Variants in ALDH2 observed in about 807,000 individuals in gnomAD.
ALDH2 encodes aldehyde dehydrogenase 2 family member, also known as aldehyde dehydrogenase, mitochondrial.
ALDH2 carries 44 observed loss-of-function variants against 59.6 expected under a neutral mutation model. That is an observed-to-expected ratio of 0.74 (90% confidence interval 0.58 to 0.95). The LOEUF (loss-of-function observed/expected upper bound fraction) is 0.95, where lower values mean the gene tolerates loss of function less well. Among genes scored for constraint, ALDH2 ranks in the 40% least tolerant of loss-of-function variants. The pLI is 0.00. For synonymous variants in ALDH2, 291 were observed against 284.0 expected, an observed-to-expected ratio of 1.02 and a Z score of -0.25; for missense variants, 570 against 696.3, an observed-to-expected ratio of 0.82 and a Z score of 2.04.
rs187839566 is a variant in ALDH2 at position 111,805,947 on chromosome 12, C to T, written c.1521+1974C>T. 1.4e-3 allele frequency among the ~76,000 whole-genome samples: 204 copies of T among 149,202 alleles called. 1 individual carries two copies. The highest frequency in any genetic ancestry group is 4.7e-3 in the African/African-American group (189 of 40,358). On this transcript the variant is annotated intron_variant, in intron 12 of 12. Transcript: ENST00000261733. ...CTGAGGCAGGAGAATTGCTTGAACC[C>T]GGGAGGTGGAGGTTGCAGTGAGCCA...
chr12:111,768,803 A>G (rs1799778073), intron 1 of ALDH2, among the ~76,000 whole-genome samples: 1 of 151,544 alleles, frequency 6.6e-6, no homozygotes, highest in South Asian at 2.1e-4. Flanking sequence ...ACATAGCAAG[A>G]CCCTGTGTCT....
At chr12:111,786,368 C>T (rs1262988788) in intron 4 of ALDH2, among the ~76,000 whole-genome samples, 1 of 151,982 alleles carries the variant, frequency 6.6e-6, no homozygotes, top group Non-Finnish European at 1.5e-5. Context: ...TCCTGAGTAG[C>T]TGGGACTACA....
chr12:111,777,043 G>A (rs566877088), intron 1 of ALDH2, among the ~76,000 whole-genome samples: 2 of 152,202 alleles, frequency 1.3e-5, no homozygotes. Context: ...TAAAGATGGA[G>A]ATTTGGGAAT....
chr12:111,778,799 C>T (rs1400394511), intron 1 of ALDH2, among the ~76,000 whole-genome samples: 1 of 150,624 alleles, frequency 6.6e-6, no homozygotes, highest in Non-Finnish European at 1.5e-5. Flanking sequence ...CGCCACTGCA[C>T]TCCAGCCTGG....
Position 111,783,194 on chromosome 12 carries a change from GCCTTCCA to G in ALDH2, c.257_263del (p.Ala86GlyfsTer18). On this transcript the variant is annotated frameshift_variant, in exon 3 of 13. Transcript: ENST00000261733. LOFTEE classifies it high-confidence loss of function. ...CAAGGCAGTGAAGGCCGCCCGGGCC[GCCTTCCA>G]GCTGGGCTCACCTTGGCGCCGCATG... is the stretch of plus-strand genomic sequence containing the variant. 6.2e-7 allele frequency: 1 copy of G among 1,613,008 alleles called. No homozygotes were observed. Among genetic ancestry groups the G allele is most frequent in the Non-Finnish European group, 8.5e-7 (1 of 1,179,370 alleles).
intron 9 of ALDH2, among the ~76,000 whole-genome samples, chr12:111,795,417 G>T (rs1275721586): frequency 2.6e-5 from 4 of 151,496 alleles, no homozygotes; most frequent in African/African-American, 9.7e-5. Context: ...TGAGTAGGTG[G>T]GACTACAAGT....
chr12:111,807,733 G>A (rs1485688896), intron 12 of ALDH2, among the ~76,000 whole-genome samples: 2 of 152,170 alleles, frequency 1.3e-5, no homozygotes, highest in African/African-American at 2.4e-5. Flanking sequence ...TGCTGGTGGT[G>A]GAAGATGTAG....
intron 2 of ALDH2, among the ~76,000 whole-genome samples, 182 bp downstream of exon 2, chr12:111,782,204 G>A (rs2068277895): frequency 1.3e-5 from 2 of 152,238 alleles, no homozygotes; most frequent in South Asian, 4.1e-4. Flanking sequence ...AATTCACTTA[G>A]TGTAGAACTA....
chr12:111,803,978 G>T lies in ALDH2; in HGVS notation c.1521+5G>T. The T allele has an allele frequency of 6.2e-7, 1 of 1,601,358 alleles. No individual in the cohort carries two copies. The highest frequency in any genetic ancestry group is 8.5e-7 in the Non-Finnish European group (1 of 1,172,910). ...GCATACACTGAAGTGAAAACTGTGA[G>T]TGTGGGACCTGCTGGGGGCTCAGGG... On this transcript the variant is annotated splice_donor_5th_base_variant and intron_variant, in intron 12 of 12. Coordinates refer to ENST00000261733, the MANE Select transcript of ALDH2 (RefSeq NM_000690.4).
At chr12:111,769,456 A>G (rs75584029) in intron 1 of ALDH2, among the ~76,000 whole-genome samples, 2,368 of 151,954 alleles carry the variant, frequency 0.016, 70 homozygotes, top group African/African-American at 0.054. Flanking sequence ...TGGATACCCC[A>G]TTTTACTCCC....
intron 12 of ALDH2, among the ~76,000 whole-genome samples, chr12:111,808,237 G>C (rs1330238136): frequency 6.6e-6 from 1 of 152,064 alleles, no homozygotes; most frequent in South Asian, 2.1e-4. Context: ...ACTTATTACT[G>C]GTCATCTAGG....
rs1178023913 is a variant in ALDH2 at position 111,812,043 on chromosome 12, CA to C, written c.*2469del. ...TCACGTGGGTCACGTGTCCACTGGA[CA>C]GGGGGCCCTTCCCTGCCTGGCAGCC... On this transcript the variant is annotated 3_prime_UTR_variant, in exon 13 of 13. Transcript: ENST00000261733. 2 of 153,582 alleles carry C rather than the reference CA, an allele frequency of 1.3e-5. No homozygotes were observed. Among genetic ancestry groups the C allele is most frequent in the Admixed American group, 6.5e-5 (1 of 15,296 alleles). The allele number at this position is 153,582 out of a possible 1,614,324, so 9.5% of individuals were successfully genotyped here. A position where few individuals can be genotyped will look rare whatever the true frequency, so the allele number is the denominator to read the frequency against.
rs2068537311 is a variant in ALDH2, at chr12:111,811,713, A to T, written c.*2138A>T. ...GGTGTTGAAGGCCTGACCTCAGGTA[A>T]TCCACCCACCTCTGCCTCCCAGAGT... On this transcript the variant is annotated 3_prime_UTR_variant, in exon 13 of 13. Coordinates refer to ENST00000261733, the MANE Select transcript of ALDH2 (RefSeq NM_000690.4). The T allele has an allele frequency of 6.6e-6, 1 of 152,400 alleles. No individual in the cohort carries two copies. The highest frequency in any genetic ancestry group is 2.4e-5 in the African/African-American group (1 of 41,452). The allele number at this position is 152,400 out of a possible 1,614,324, so 9.4% of individuals were successfully genotyped here.
At position 111,792,675 on chromosome 12, in the gene ALDH2, T is replaced by C. The variant is rs1299980962; in HGVS notation, c.976T>C (p.Phe326Leu). The C allele has an allele frequency of 1.2e-6, 2 of 1,610,294 alleles. No homozygotes were observed. The highest frequency in any genetic ancestry group is 1.7e-6 in the Non-Finnish European group (2 of 1,178,584). Reference sequence around the variant, plus strand: ...GTGCTGCTGTGCCGGCTCCCGGACCTTCGTGCAGGAGGACATCTATGATGA... The same window carrying C: ...GTGCTGCTGTGCCGGCTCCCGGACCCTCGTGCAGGAGGACATCTATGATGA... ...GQCCCAGSRT[F>L]VQEDIYDEFV... The change falls in exon 9 of 13, where the codon TTC becomes CTC. Residue 326 changes from phenylalanine to leucine, a missense_variant. Coordinates refer to ENST00000261733, the MANE Select transcript of ALDH2 (RefSeq NM_000690.4).
At position 111,791,293 on chromosome 12, in the gene ALDH2, T is replaced by C; in HGVS notation, c.682-13T>C. The C allele has an allele frequency of 6.2e-7, 1 of 1,606,272 alleles. No homozygotes were observed. Among genetic ancestry groups the C allele is most frequent in the Non-Finnish European group, 8.5e-7 (1 of 1,173,576 alleles). On this transcript the variant is annotated splice_polypyrimidine_tract_variant and intron_variant, in intron 6 of 12. Coordinates refer to ENST00000261733, the MANE Select transcript of ALDH2 (RefSeq NM_000690.4). ...AGGGTGACTCCCAATGTCCCCTGGC[T>C]GTTTGCTCACAGGCTGGCTTTCCCC...
chr12:111,775,045 A>G (rs1407268521), intron 1 of ALDH2, among the ~76,000 whole-genome samples: 1 of 152,210 alleles, frequency 6.6e-6, no homozygotes, highest in African/African-American at 2.4e-5. Flanking sequence ...CGTTAAATAA[A>G]CCATGGCCTG....
rs377009438 is a variant in ALDH2, at chr12:111,797,572, G to A, written c.1084-506G>A. 2.6e-4 allele frequency among the ~76,000 whole-genome samples: 40 copies of A among 151,338 alleles called. 1 individual carries two copies. The South Asian group carries it at 5.8e-3, about 22-fold the overall frequency. ...GTGGAGATCGCACCACTGCACTCCA[G>A]CCTGGGTGACAGAGTGAGACCCCAT... On this transcript the variant is annotated intron_variant, in intron 9 of 12. Transcript: ENST00000261733.
At chr12:111,791,557 A>AG in intron 7 of ALDH2, 138 bp downstream of exon 7, 2 of 664,988 alleles carry the variant, frequency 3.0e-6, no homozygotes, top group South Asian at 3.6e-5. Context: ...AGGTACCAGG[A>AG]GGGGTGGGGC....
At chr12:111,803,503 G>A (rs2068470287) in intron 11 of ALDH2, among the ~76,000 whole-genome samples, 1 of 151,870 alleles carries the variant, frequency 6.6e-6, no homozygotes, top group Admixed American at 6.6e-5. Flanking sequence ...TACTTGGGAG[G>A]CTGAGGCAGG....
Sources: allele counts gnomAD v4.1 joint callset (sites outside exome capture counted in the v4.1 genomes callset), GRCh38; gene constraint gnomAD v4.1.1; transcripts MANE v1.5; gene names NCBI Gene and HGNC (gene_info 2026-07-23, HGNC 2026-07-21).